Variants in RBFOX1 observed in about 807,000 individuals in gnomAD.
RBFOX1 encodes the protein RNA binding fox-1 homolog 1, also known as RNA binding protein fox-1 homolog 1.
A neutral mutation model predicts 57.7 loss-of-function variants in RBFOX1; 8 were observed. The observed-to-expected ratio is 0.14, with a 90% CI of 0.08 to 0.25. The LOEUF (loss-of-function observed/expected upper bound fraction) is 0.25. Among genes scored for constraint, RBFOX1 ranks in the 10% least tolerant of loss-of-function variants. The probability of loss-of-function intolerance (pLI) is 1.00; values close to 1 mark genes in which losing one functional copy is unlikely to be tolerated. For missense variants in RBFOX1, 611 were observed against 548.5 expected, an observed-to-expected ratio of 1.11 and a Z score of -1.14; for synonymous variants, 326 against 222.4, an observed-to-expected ratio of 1.47 and a Z score of -4.15.
chr16:5,920,333 T>C (rs2058795179), intron 4 of RBFOX1, among the ~76,000 whole-genome samples: 1 of 152,230 alleles, frequency 6.6e-6, no homozygotes, highest in African/African-American at 2.4e-5. Flanking sequence ...AGAGAGATCC[T>C]ACTTTGTTTA....
intron 1 of RBFOX1, among the ~76,000 whole-genome samples, chr16:6,122,792 A>ATGTGTGTGTG (rs1377137384): frequency 9.8e-6 from 1 of 101,524 alleles, no homozygotes; most frequent in African/African-American, 4.5e-5. Flanking sequence ...CTGTGTGGCT[A>ATGTGTGTGTG]TGTGTGTGTA....
chr16:7,068,476 G>T (rs532430466), intron 4 of RBFOX1, among the ~76,000 whole-genome samples: 1 of 152,216 alleles, frequency 6.6e-6, no homozygotes, highest in South Asian at 2.1e-4. Context: ...TTCTTCTTTT[G>T]CAGTCCCTAC....
chr16:5,484,219 A>G (rs1386940859), intron 2 of RBFOX1, among the ~76,000 whole-genome samples: 1 of 152,218 alleles, frequency 6.6e-6, no homozygotes, highest in African/African-American at 2.4e-5. Flanking sequence ...CAGTTAACTC[A>G]AGGCCTGACT....
intron 2 of RBFOX1, among the ~76,000 whole-genome samples, chr16:6,506,080 T>A (rs2096080682): frequency 6.6e-6 from 1 of 152,172 alleles, no homozygotes; most frequent in Non-Finnish European, 1.5e-5. Context: ...AGGTGCACCC[T>A]TGCATATATC....
chr16:6,694,669 G>T (rs2060747979), intron 3 of RBFOX1, among the ~76,000 whole-genome samples: 1 of 152,112 alleles, frequency 6.6e-6, no homozygotes, highest in African/African-American at 2.4e-5. Context: ...TTTTCCACAT[G>T]GTAGCAAGAT....
intron 1 of RBFOX1, among the ~76,000 whole-genome samples, chr16:6,255,229 C>G (rs1329353082): frequency 6.6e-6 from 1 of 152,144 alleles, no homozygotes; most frequent in Non-Finnish European, 1.5e-5. Context: ...TACCTGTCAA[C>G]AGCACACAAT....
In RBFOX1 at chr16:5,624,958, C is replaced by T. The variant is rs569633661; in HGVS notation, c.318+25997C>T. Among the ~76,000 whole-genome samples, 76 of 152,194 alleles carry T rather than the reference C, an allele frequency of 5.0e-4. No individual in the cohort carries two copies. The South Asian group carries it at 0.011, about 22-fold the overall frequency. On this transcript the variant is annotated intron_variant, in intron 3 of 19. Transcript: ENST00000641259. ...ATGCACGGTCTGTAGGGACCCCACCCGGATTTGGGGCCGTGTGATTGAGGG... is the reference window on the plus strand; with the variant it reads ...ATGCACGGTCTGTAGGGACCCCACCTGGATTTGGGGCCGTGTGATTGAGGG...
intron 11 of RBFOX1, among the ~76,000 whole-genome samples, chr16:7,644,908 G>A (rs746857870): frequency 5.0e-4 from 76 of 152,258 alleles, no homozygotes; most frequent in Admixed American, 1.0e-3. Flanking sequence ...TGGGAGTCAA[G>A]TTCACTGTTA....
chr16:6,694,664 C>T (rs2060746610), intron 3 of RBFOX1, among the ~76,000 whole-genome samples: 1 of 150,910 alleles, frequency 6.6e-6, no homozygotes, highest in Admixed American at 6.6e-5. Context: ...ATTGTTTTTC[C>T]ACATGGTAGC....
intron 2 of RBFOX1, among the ~76,000 whole-genome samples, chr16:6,409,542 T>G (rs1464076719): frequency 2.0e-5 from 3 of 152,220 alleles, no homozygotes; most frequent in Admixed American, 2.0e-4. Context: ...TTGTATGTTT[T>G]TTGATAATAT....
intron 2 of RBFOX1, among the ~76,000 whole-genome samples, chr16:5,487,978 G>A (rs1269882648): frequency 1.3e-5 from 2 of 152,026 alleles, no homozygotes; most frequent in African/African-American, 4.8e-5. Context: ...TGGTGAAGAC[G>A]ATGATGTAAT....
At chr16:5,971,921 C>G (rs2059968891) in intron 4 of RBFOX1, among the ~76,000 whole-genome samples, 1 of 152,194 alleles carries the variant, frequency 6.6e-6, no homozygotes, top group Non-Finnish European at 1.5e-5. Flanking sequence ...ATCCAGTCAG[C>G]TGAAGGCCTG....
intron 4 of RBFOX1, among the ~76,000 whole-genome samples, chr16:7,370,306 A>G (rs1195453163): frequency 6.6e-6 from 1 of 152,210 alleles, no homozygotes; most frequent in Non-Finnish European, 1.5e-5. Flanking sequence ...TAAGAAGCAG[A>G]CATGTTATCT....
chr16:5,625,601 C>T (rs532319051), intron 3 of RBFOX1, among the ~76,000 whole-genome samples: 3 of 150,214 alleles, frequency 2.0e-5, no homozygotes, highest in Admixed American at 6.6e-5. Flanking sequence ...TCTGTCACCC[C>T]GGCTCGAGTA....
chr16:7,108,387 G>C (rs1260641344), intron 4 of RBFOX1, among the ~76,000 whole-genome samples: 1 of 152,186 alleles, frequency 6.6e-6, no homozygotes, highest in African/African-American at 2.4e-5. Context: ...ACATGTACAA[G>C]TTGAAGTGTA....
intron 1 of RBFOX1, among the ~76,000 whole-genome samples, chr16:6,034,840 G>A (rs945903856): frequency 2.0e-5 from 3 of 152,108 alleles, no homozygotes; most frequent in Non-Finnish European, 4.4e-5. Flanking sequence ...GGATGGGGAT[G>A]TGGGGGCTGA....
intron 2 of RBFOX1, among the ~76,000 whole-genome samples, chr16:6,360,568 C>G (rs1009993607): frequency 6.6e-6 from 1 of 152,196 alleles, no homozygotes; most frequent in Non-Finnish European, 1.5e-5. Context: ...CAATGCCACT[C>G]AGTCTCATCC....
chr16:7,620,343 A>G (rs2059121371), intron 10 of RBFOX1, among the ~76,000 whole-genome samples: 1 of 152,230 alleles, frequency 6.6e-6, no homozygotes, highest in African/African-American at 2.4e-5. Context: ...ACCCAAAGTC[A>G]ACTCAACTTC....
chr16:6,128,098 G>T (rs1231900937), intron 1 of RBFOX1, among the ~76,000 whole-genome samples: 2 of 151,894 alleles, frequency 1.3e-5, no homozygotes, highest in Non-Finnish European at 2.9e-5. Flanking sequence ...TGAAATTGAG[G>T]CATATCTCTA....
Sources: gnomAD v4.1 joint callset for allele counts (sites outside exome capture counted in the v4.1 genomes callset) on GRCh38, gnomAD v4.1.1 for gene constraint, MANE v1.5 for transcripts, NCBI Gene and HGNC (gene_info 2026-07-23, HGNC 2026-07-21) for gene names.